AGBL1: variants seen among roughly 807,000 people sequenced by gnomAD.
AGBL1 encodes the protein cytosolic carboxypeptidase 4.
In AGBL1, 130 loss-of-function variants were observed where a neutral mutation model predicts 118.9. The observed-to-expected ratio is 1.09, with a 90% confidence interval of 0.95 to 1.26. The LOEUF (loss-of-function observed/expected upper bound fraction) is 1.26, where lower values mean the gene tolerates loss of function less well. Among genes scored for constraint, AGBL1 ranks in the 50% most tolerant of loss-of-function variants. AGBL1 has a pLI of 0.00. For missense variants in AGBL1, 1,584 were observed against 1,298.1 expected (o/e 1.22, Z -3.38); for synonymous variants, 555 against 478.9 (o/e 1.16, Z -2.08).
chr15:86,883,849 G>T (rs545692589), intron 22 of AGBL1, among the ~76,000 whole-genome samples: 1 of 152,184 alleles, frequency 6.6e-6, no homozygotes, highest in South Asian at 2.1e-4. Context: ...GTGCATTTAG[G>T]ATTTATATGG....
intron 5 of AGBL1, among the ~76,000 whole-genome samples, chr15:86,167,936 A>C (rs1232809862): frequency 6.6e-6 from 1 of 152,244 alleles, no homozygotes; most frequent in Non-Finnish European, 1.5e-5. Flanking sequence ...AGAGAACAAT[A>C]AATGGTTATT....
chr15:86,702,859 A>G lies in AGBL1; in HGVS notation c.3158+28423A>G, dbSNP rs894403993. The stretch of plus-strand genomic sequence containing the variant: ...CCAGTCTCCTGGGGTAATTACGTCA[A>G]CCTCCAATGACTTGGACTATAATCT... On this transcript the variant is annotated intron_variant, in intron 22 of 22. Coordinates refer to ENST00000614907, the MANE Select transcript of AGBL1 (RefSeq NM_001386094.1). Among the ~76,000 whole-genome samples the G allele has an allele frequency of 3.3e-5, 4 of 123,022 alleles. No individual in the cohort carries two copies. The Admixed American group carries it at 3.6e-4, about 11-fold the overall frequency. The allele number at this position is 123,022 out of a possible 152,430, so 80.7% of individuals were successfully genotyped here.
intron 6 of AGBL1, among the ~76,000 whole-genome samples, chr15:86,232,265 G>A (rs183368144): frequency 1.3e-5 from 2 of 152,294 alleles, no homozygotes; most frequent in Non-Finnish European, 2.9e-5. Context: ...CCCTTGGGAC[G>A]GTCAGACCCA....
intron 24 of AGBL1, among the ~76,000 whole-genome samples, chr15:87,017,818 A>C (rs2081622352): frequency 6.6e-6 from 1 of 152,160 alleles, no homozygotes; most frequent in Non-Finnish European, 1.5e-5. Flanking sequence ...TGACAGAAGT[A>C]GGCTTCAGAA....
Position 86,151,614 on chromosome 15 carries a change from A to G in AGBL1, c.263-2816A>G, listed in dbSNP as rs115791948. ...GGAAACATTCCCTTTGAAAACCAGC[A>G]CAAGACGAGTATGCCCTCTCTCACC... On this transcript the variant is annotated intron_variant, in intron 3 of 22. Transcript: ENST00000614907. Among the ~76,000 whole-genome samples, 454 of 152,350 alleles carry G rather than the reference A, an allele frequency of 3.0e-3. 4 individuals are homozygous for G. Among genetic ancestry groups the G allele is most frequent in the African/African-American group, 0.01 (434 of 41,590 alleles).
At chr15:86,562,583 G>A (rs541467777) in intron 21 of AGBL1, among the ~76,000 whole-genome samples, 166 of 152,284 alleles carry the variant, frequency 1.1e-3, no homozygotes, top group Non-Finnish European at 1.7e-3. Flanking sequence ...ATGTTCATCA[G>A]GGATATTGGT....
intron 21 of AGBL1, among the ~76,000 whole-genome samples, chr15:86,651,664 C>G (rs536210216): frequency 2.0e-5 from 3 of 152,278 alleles, no homozygotes; most frequent in African/African-American, 7.2e-5. Context: ...CCTCTTTCTT[C>G]TCATTTTCTT....
intron 22 of AGBL1, among the ~76,000 whole-genome samples, chr15:86,742,522 G>C (rs1226866889): frequency 2.0e-5 from 3 of 152,074 alleles, no homozygotes; most frequent in South Asian, 2.1e-4. Context: ...TCAGATTATG[G>C]GATGCAGGGA....
intron 24 of AGBL1, among the ~76,000 whole-genome samples, chr15:87,013,146 C>T (rs1004388888): frequency 6.6e-6 from 1 of 152,274 alleles, no homozygotes; most frequent in African/African-American, 2.4e-5. Flanking sequence ...TCAGGGCACT[C>T]TTGGAAATTA....
At chr15:86,901,797 G>A (rs1166615045) in intron 22 of AGBL1, among the ~76,000 whole-genome samples, 1 of 151,970 alleles carries the variant, frequency 6.6e-6, no homozygotes, top group Non-Finnish European at 1.5e-5. Flanking sequence ...CTTTTTTCAT[G>A]TAAACCTACA....
chr15:86,479,694 A>T (rs555575955), intron 18 of AGBL1, among the ~76,000 whole-genome samples: 18 of 152,340 alleles, frequency 1.2e-4, no homozygotes, highest in African/African-American at 4.3e-4. Flanking sequence ...TCAAGGACCT[A>T]GAACTAGAAA....
intron 14 of AGBL1, among the ~76,000 whole-genome samples, chr15:86,270,317 C>A (rs2079139101): frequency 6.6e-6 from 1 of 152,174 alleles, no homozygotes; most frequent in Non-Finnish European, 1.5e-5. Flanking sequence ...CTACCTTGAA[C>A]TTTTTGAGGT....
intron 22 of AGBL1, among the ~76,000 whole-genome samples, chr15:86,832,699 C>T (rs996004357): frequency 6.6e-6 from 1 of 152,192 alleles, no homozygotes; most frequent in African/African-American, 2.4e-5. Flanking sequence ...CAAAGCCATT[C>T]AACAAAGGTC....
At chr15:86,857,400 G>A (rs966784895) in intron 22 of AGBL1, among the ~76,000 whole-genome samples, 9 of 152,078 alleles carry the variant, frequency 5.9e-5, no homozygotes, top group Admixed American at 5.9e-4. Flanking sequence ...CATATCTCGA[G>A]CCCACATCCA....
Position 86,264,724 on chromosome 15 carries a change from C to G in AGBL1, c.1553C>G (p.Ala518Gly), listed in dbSNP as rs747955198. The G allele has an allele frequency of 1.7e-5, 27 of 1,613,878 alleles. 1 individual carries two copies. In the South Asian group the frequency reaches 2.9e-4, roughly 17 times the overall value. The change falls in exon 11 of 23, where the codon GCC (alanine) becomes GGC (glycine). Residue 518 changes from alanine (A) to glycine (G), a missense_variant. By Grantham distance (60) the Ala-to-Gly change is moderately conservative. Transcript: ENST00000614907. ...GATCCCTATCTTTATATGGCCAAAG[C>G]CAGAAGAACCAGCTCTGTGGTGGAC... ...FHDPYLYMAK[A>G]RRTSSVVDFK...
At chr15:86,167,252 T>TC (rs1186734164) in intron 5 of AGBL1, among the ~76,000 whole-genome samples, 1 of 150,068 alleles carries the variant, frequency 6.7e-6, no homozygotes, top group Admixed American at 6.6e-5. Flanking sequence ...TACTTTTCTT[T>TC]TTTTTTTTTT....
At chr15:86,883,000 AG>A (rs554600800) in intron 22 of AGBL1, among the ~76,000 whole-genome samples, 16 of 152,348 alleles carry the variant, frequency 1.1e-4, no homozygotes, top group African/African-American at 3.8e-4. Flanking sequence ...ATGAATTTAG[AG>A]GAGTTGCAGA....
At chr15:86,154,796 A>G (rs1474643347) in intron 4 of AGBL1, among the ~76,000 whole-genome samples, 1 of 152,160 alleles carries the variant, frequency 6.6e-6, no homozygotes, top group African/African-American at 2.4e-5. Context: ...ATGGACTTCA[A>G]TATTGTTTCT....
chr15:86,595,883 G>T (rs2084398560), intron 21 of AGBL1, among the ~76,000 whole-genome samples: 1 of 151,956 alleles, frequency 6.6e-6, no homozygotes, highest in African/African-American at 2.4e-5. Flanking sequence ...TCTGGAAAAT[G>T]ATCCTAGTGC....
Sources: allele counts gnomAD v4.1 joint callset (sites outside exome capture counted in the v4.1 genomes callset), GRCh38; gene constraint gnomAD v4.1.1; transcripts MANE v1.5; gene names NCBI Gene and HGNC (gene_info 2026-07-23, HGNC 2026-07-21).